The following RERE variants were observed in gnomAD, a reference collection of about 807,000 sequenced individuals.
RERE encodes the protein arginine-glutamic acid dipeptide repeats protein.
A neutral mutation model predicts 146.1 loss-of-function variants in RERE; 40 were observed. That is an observed-to-expected ratio of 0.27 (90% confidence interval 0.21 to 0.36). The LOEUF is 0.36. Among genes scored for constraint, RERE ranks in the 10% least tolerant of loss-of-function variants. RERE has a pLI of 1.00. For synonymous variants in RERE, 1,003 were observed against 866.0 expected (o/e 1.16, Z -2.78); for missense variants, 1,933 against 2,138.7 (o/e 0.90, Z 1.90).
intron 4 of RERE, among the ~76,000 whole-genome samples, chr1:8,591,413 G>GCA (rs907622968): frequency 1.5e-4 from 22 of 148,090 alleles, no homozygotes; most frequent in African/African-American, 5.2e-4. Flanking sequence ...ATGGCCATCA[G>GCA]CACTCTTTTT....
intron 4 of RERE, among the ~76,000 whole-genome samples, chr1:8,558,881 C>CA (rs1305482362): frequency 3.3e-5 from 5 of 150,586 alleles, no homozygotes; most frequent in Non-Finnish European, 5.9e-5. Context: ...CTGCAACCTC[C>CA]ACCTCCTAGG....
chr1:8,439,842 G>C (rs909867179), intron 11 of RERE, among the ~76,000 whole-genome samples: 3 of 152,238 alleles, frequency 2.0e-5, no homozygotes, highest in Non-Finnish European at 4.4e-5. Flanking sequence ...GGAGGCCGAG[G>C]TGGGTGGATC....
At chr1:8,718,303 CAG>C (rs1396958817) in intron 1 of RERE, among the ~76,000 whole-genome samples, 2 of 152,090 alleles carry the variant, frequency 1.3e-5, no homozygotes, top group Non-Finnish European at 2.9e-5. Flanking sequence ...CTTTAAAAAA[CAG>C]GGTCAGATAA....
At chr1:8,459,487 C>T (rs1488849832) in intron 11 of RERE, among the ~76,000 whole-genome samples, 1 of 152,120 alleles carries the variant, frequency 6.6e-6, no homozygotes, top group Admixed American at 6.5e-5. Context: ...GCAGTAGATA[C>T]ATTGTATCTA....
chr1:8,756,559 A>AT (rs749843974), intron 1 of RERE, among the ~76,000 whole-genome samples: 11 of 152,348 alleles, frequency 7.2e-5, no homozygotes, highest in Non-Finnish European at 1.5e-4. Context: ...CTCAAGAGCC[A>AT]TAAAAAAAAA....
chr1:8,379,554 T>C (rs1047628047), intron 12 of RERE, among the ~76,000 whole-genome samples: 1 of 152,146 alleles, frequency 6.6e-6, no homozygotes, highest in Non-Finnish European at 1.5e-5. Flanking sequence ...GTGACTGTGA[T>C]ATGGGCTCCA....
chr1:8,684,330 A>T (rs1639038070), intron 1 of RERE, among the ~76,000 whole-genome samples: 1 of 152,222 alleles, frequency 6.6e-6, no homozygotes, highest in Non-Finnish European at 1.5e-5. Flanking sequence ...CTTTAATTAC[A>T]GGAAATTTTG....
In RERE at chr1:8,371,739, T is replaced by G. The variant is rs1017084229; in HGVS notation, c.1285-5765A>C. Among the ~76,000 whole-genome samples the G allele has an allele frequency of 6.6e-5, 10 of 152,374 alleles. No individual in the cohort carries two copies. In the East Asian group the frequency reaches 1.9e-3, roughly 29 times the overall value. ...AGCTCCCTCCGCCGCCTGGGCAATC[T>G]GGGCTGGAGCAACAGGGGCCGGGGC... is the stretch of plus-strand genomic sequence containing the variant. On this transcript the variant is annotated intron_variant, in intron 12 of 22. Coordinates refer to ENST00000400908, the MANE Select transcript of RERE (RefSeq NM_001042681.2).
chr1:8,537,712 T>C (rs1270704216), intron 7 of RERE, among the ~76,000 whole-genome samples: 1 of 152,170 alleles, frequency 6.6e-6, no homozygotes, highest in Non-Finnish European at 1.5e-5. Context: ...TCTTCCCAAA[T>C]GTTAAAGGCA....
At chr1:8,708,360 G>C (rs1053977440) in intron 1 of RERE, among the ~76,000 whole-genome samples, 6 of 152,106 alleles carry the variant, frequency 3.9e-5, no homozygotes, top group Non-Finnish European at 4.4e-5. Flanking sequence ...CCCCAGGCTG[G>C]AGTGCAGTGG....
intron 1 of RERE, among the ~76,000 whole-genome samples, chr1:8,714,922 G>A (rs1016541574): frequency 5.9e-5 from 9 of 151,798 alleles, no homozygotes; most frequent in Non-Finnish European, 7.4e-5. Context: ...TCGCCAAGCC[G>A]GAATGCAGTG....
Position 8,566,551 on chromosome 1 carries a change from G to A in RERE, c.523-9028C>T, listed in dbSNP as rs542530608. Among the ~76,000 whole-genome samples, 105 of 151,964 alleles carry A rather than the reference G, an allele frequency of 6.9e-4. 1 individual carries two copies. Among genetic ancestry groups the A allele is most frequent in the Admixed American group, 2.1e-3 (32 of 15,256 alleles). On this transcript the variant is annotated intron_variant, in intron 4 of 22. Transcript: ENST00000400908. ...AGAGAATTGCTTGAACCCAGGAGGC[G>A]GAAGTTGCAGTGAACTGAGATGGCA...
At chr1:8,786,448 T>C in intron 1 of RERE, 1 of 907,058 alleles carries the variant, frequency 1.1e-6, no homozygotes, top group Non-Finnish European at 1.8e-6. Context: ...AGCAATTTGT[T>C]TATTCATCTT....
At chr1:8,700,157 T>G (rs576845054) in intron 1 of RERE, among the ~76,000 whole-genome samples, 38 of 151,936 alleles carry the variant, frequency 2.5e-4, no homozygotes, top group African/African-American at 8.7e-4. Context: ...ATACAAAAAT[T>G]AGCCAGGCGT....
intron 1 of RERE, among the ~76,000 whole-genome samples, chr1:8,692,755 G>A (rs191102258): frequency 8.5e-5 from 13 of 152,190 alleles, no homozygotes; most frequent in African/African-American, 2.9e-4. Context: ...CCCCACAGTT[G>A]ATTAAATCCG....
At chr1:8,517,322 A>C (rs942066047) in intron 7 of RERE, among the ~76,000 whole-genome samples, 19 of 152,254 alleles carry the variant, frequency 1.2e-4, no homozygotes, top group African/African-American at 4.3e-4. Flanking sequence ...TGAACCAGTA[A>C]CTGAAGAAAG....
intron 7 of RERE, among the ~76,000 whole-genome samples, chr1:8,513,266 A>G (rs1275011406): frequency 6.6e-6 from 1 of 152,256 alleles, no homozygotes; most frequent in African/African-American, 2.4e-5. Context: ...AACAATATAC[A>G]TATTCTTATA....
chr1:8,418,749 C>T (rs964465138), intron 12 of RERE, among the ~76,000 whole-genome samples: 5 of 152,308 alleles, frequency 3.3e-5, no homozygotes, highest in Middle Eastern at 3.4e-3. Context: ...GGATCATCCA[C>T]GATTTTGTGT....
At chr1:8,359,712 G>A (rs1033767393) in intron 19 of RERE, 52 bp downstream of exon 19, 227 of 1,574,984 alleles carry the variant, frequency 1.4e-4, no homozygotes, top group Admixed American at 1.9e-4. Context: ...GTGGCTCCCA[G>A]GCGCAGGATG....
Sources: allele counts gnomAD v4.1 joint callset (sites outside exome capture counted in the v4.1 genomes callset), GRCh38; gene constraint gnomAD v4.1.1; transcripts MANE v1.5; gene names NCBI Gene and HGNC (gene_info 2026-07-23, HGNC 2026-07-21).